BAIAP2L1: variants seen among roughly 807,000 people sequenced by gnomAD.
The protein encoded by BAIAP2L1 is BAR/IMD domain-containing adapter protein 2-like 1.
In BAIAP2L1, 35 loss-of-function variants were observed where a neutral mutation model predicts 66.3. The observed-to-expected ratio is 0.53, with a 90% confidence interval of 0.40 to 0.70. The LOEUF (loss-of-function observed/expected upper bound fraction) is 0.70, where lower values mean the gene tolerates loss of function less well. Among genes scored for constraint, BAIAP2L1 ranks in the 30% least tolerant of loss-of-function variants. The pLI, the probability that BAIAP2L1 is intolerant of heterozygous loss-of-function variation, is 0.00. For missense variants in BAIAP2L1, 622 were observed against 656.9 expected (o/e 0.95, Z 0.58); for synonymous variants, 269 against 248.7 (o/e 1.08, Z -0.77).
At chr7:98,394,670 G>A (rs1163928918) in intron 1 of BAIAP2L1, among the ~76,000 whole-genome samples, 1 of 152,204 alleles carries the variant, frequency 6.6e-6, no homozygotes, top group Non-Finnish European at 1.5e-5. Context: ...AAATCAATCA[G>A]CAGTTTCTCC....
intron 12 of BAIAP2L1, among the ~76,000 whole-genome samples, chr7:98,296,833 A>ACGGTG (rs1377963433): frequency 6.6e-6 from 1 of 152,204 alleles, no homozygotes; most frequent in Non-Finnish European, 1.5e-5. Flanking sequence ...CTTGGCACAT[A>ACGGTG]CGGTGCCTCT....
In BAIAP2L1 at chr7:98,387,183, C is replaced by T. The variant is rs76219015; in HGVS notation, c.51+13619G>A. Among the ~76,000 whole-genome samples the T allele has an allele frequency of 4.9e-3, 751 of 152,246 alleles. 11 individuals carry two copies. The highest frequency in any genetic ancestry group is 0.017 in the African/African-American group (701 of 41,530). On this transcript the variant is annotated intron_variant, in intron 1 of 13. Coordinates refer to ENST00000005260, the MANE Select transcript of BAIAP2L1 (RefSeq NM_018842.5). ...GGAAGGAGCAAGGATGTTTAATTTA[C>T]GACATGGGCAGGTCCAGGCGGAGGA...
At position 98,315,620 on chromosome 7, in the gene BAIAP2L1, A is replaced by AT. The variant is rs746890149; in HGVS notation, c.487-9_487-8insA. On this transcript the variant is annotated splice_polypyrimidine_tract_variant and intron_variant, in intron 6 of 13. Coordinates refer to ENST00000005260, the MANE Select transcript of BAIAP2L1 (RefSeq NM_018842.5). ...AGTAACGGTCTCCACATACTAAAAA[A>AT]AAAAAAATAATAATAATAATAATTA... 3.9e-4 allele frequency: 422 copies of AT among 1,085,048 alleles called. 1 individual carries two copies. The highest frequency in any genetic ancestry group is 9.6e-4 in the Middle Eastern group (3 of 3,118). The allele number at this position is 1,085,048 out of a possible 1,614,324, so 67.2% of individuals were successfully genotyped here.
chr7:98,364,986 C>CAAAAAAAAAAAAAAAAAAAAAAA (rs531177927), intron 1 of BAIAP2L1, among the ~76,000 whole-genome samples: 1 of 30,780 alleles, frequency 3.2e-5, no homozygotes, highest in South Asian at 2.7e-3. Context: ...GGATATGTCT[C>CAAAAAAAAAAAAAAAAAAAAAAA]AAAAAAAAAA....
intron 10 of BAIAP2L1, chr7:98,307,458 G>A (rs2116857942): frequency 7.2e-7 from 1 of 1,398,428 alleles, no homozygotes; most frequent in South Asian, 1.5e-5. Flanking sequence ...TTTCAGACAG[G>A]TGACTTCATA....
At chr7:98,361,076 G>A (rs893816904) in intron 2 of BAIAP2L1, among the ~76,000 whole-genome samples, 1 of 152,126 alleles carries the variant, frequency 6.6e-6, no homozygotes, top group Non-Finnish European at 1.5e-5. Flanking sequence ...AAGATAAGAG[G>A]CTGGGTGTGG....
intron 2 of BAIAP2L1, chr7:98,355,421 G>A: frequency 2.4e-6 from 1 of 423,350 alleles, no homozygotes; most frequent in Non-Finnish European, 4.4e-6. Flanking sequence ...CAGTTTCAGA[G>A]TGGATGCGTT....
chr7:98,395,437 A>AG lies in BAIAP2L1; in HGVS notation c.51+5364_51+5365insC, dbSNP rs1803180944. ...CTGGGCGACAGAGCAAGACTGTCTC[A>AG]AAAAAAAAAAAAAAAAGTTAGGAGA... On this transcript the variant is annotated intron_variant, in intron 1 of 13. Transcript: ENST00000005260. Among the ~76,000 whole-genome samples the AG allele has an allele frequency of 1.2e-4, 4 of 33,378 alleles. No individual in the cohort carries two copies. In the Admixed American group the frequency reaches 1.3e-3, roughly 11 times the overall value. The allele number at this position is 33,378 out of a possible 152,430, so 21.9% of individuals were successfully genotyped here.
At chr7:98,354,995 C>T in intron 3 of BAIAP2L1, 47 bp downstream of exon 3, 1 of 1,434,314 alleles carries the variant, frequency 7.0e-7, no homozygotes, top group South Asian at 1.1e-5. Flanking sequence ...TCTTGGGGTT[C>T]ACAGGATGAC....
chr7:98,339,583 C>T (rs778436615), intron 3 of BAIAP2L1, among the ~76,000 whole-genome samples: 19 of 152,196 alleles, frequency 1.2e-4, no homozygotes, highest in Non-Finnish European at 2.2e-4. Flanking sequence ...CCCGGGAATG[C>T]GGCTGGCGTG....
At position 98,306,093 on chromosome 7, in the gene BAIAP2L1, G is replaced by A. The variant is rs369596992; in HGVS notation, c.1241+346C>T. Among the ~76,000 whole-genome samples the A allele has an allele frequency of 2.3e-3, 355 of 152,254 alleles. 2 individuals are homozygous for A. Among genetic ancestry groups the A allele is most frequent in the African/African-American group, 7.8e-3 (324 of 41,554 alleles). On this transcript the variant is annotated intron_variant, in intron 11 of 13. Coordinates refer to ENST00000005260, the MANE Select transcript of BAIAP2L1 (RefSeq NM_018842.5). ...CATTCCAGAAAAAGCATACAACAGC[G>A]TTAAGGGCTGTAAGATAAGAACGGT...
intron 3 of BAIAP2L1, among the ~76,000 whole-genome samples, chr7:98,349,831 C>T (rs572027979): frequency 2.0e-5 from 3 of 151,956 alleles, no homozygotes; most frequent in African/African-American, 4.8e-5. Flanking sequence ...CACCTCAGGG[C>T]GGATCACCTG....
intron 3 of BAIAP2L1, among the ~76,000 whole-genome samples, chr7:98,349,815 G>A (rs553880641): frequency 1.7e-4 from 26 of 152,180 alleles, no homozygotes; most frequent in African/African-American, 6.3e-4. Context: ...TTCTGACATG[G>A]AGTCTCACCT....
intron 1 of BAIAP2L1, among the ~76,000 whole-genome samples, chr7:98,371,169 G>C (rs921447559): frequency 2.0e-5 from 3 of 151,976 alleles, no homozygotes; most frequent in Non-Finnish European, 2.9e-5. Flanking sequence ...AAAGTGAACA[G>C]AAAAATTATA....
At chr7:98,393,498 AT>A (rs1803121080) in intron 1 of BAIAP2L1, among the ~76,000 whole-genome samples, 1 of 151,438 alleles carries the variant, frequency 6.6e-6, no homozygotes, top group Admixed American at 6.6e-5. Flanking sequence ...TAACTTTTCT[AT>A]TTATTTATTT....
chr7:98,388,998 A>G (rs1802962880), intron 1 of BAIAP2L1, among the ~76,000 whole-genome samples: 1 of 151,616 alleles, frequency 6.6e-6, no homozygotes, highest in African/African-American at 2.4e-5. Flanking sequence ...AAAACAAACC[A>G]TTCAAGTTTT....
At chr7:98,310,277 G>C in intron 9 of BAIAP2L1, 168 bp downstream of exon 9, 1 of 637,954 alleles carries the variant, frequency 1.6e-6, no homozygotes, top group Non-Finnish European at 2.6e-6. Context: ...GTCTAGTCCT[G>C]TATTTCTTCT....
intron 1 of BAIAP2L1, among the ~76,000 whole-genome samples, chr7:98,390,249 C>T (rs978710886): frequency 9.2e-5 from 14 of 151,430 alleles, no homozygotes; most frequent in Admixed American, 1.3e-4. Context: ...TATTCCCATA[C>T]GTAAAAATCA....
intron 13 of BAIAP2L1, 55 bp downstream of exon 13, chr7:98,294,019 A>G (rs548665195): frequency 1.0e-4 from 160 of 1,583,532 alleles, no homozygotes; most frequent in African/African-American, 4.0e-5. Flanking sequence ...TCCGGGGGAC[A>G]CTACAGGGAA....
Sources: gnomAD v4.1 joint callset for allele counts (sites outside exome capture counted in the v4.1 genomes callset) on GRCh38, gnomAD v4.1.1 for gene constraint, MANE v1.5 for transcripts, NCBI Gene and HGNC (gene_info 2026-07-23, HGNC 2026-07-21) for gene names.